Variants in PTPN13 observed in about 807,000 individuals in gnomAD.
The protein encoded by PTPN13 is protein tyrosine phosphatase non-receptor type 13, also known as tyrosine-protein phosphatase non-receptor type 13.
PTPN13 carries 191 observed loss-of-function variants against 284.0 expected under a neutral mutation model. That is an observed-to-expected ratio of 0.67 (90% CI 0.60 to 0.76). The LOEUF is 0.76. PTPN13 is among the 30% of genes least tolerant of loss of function. The pLI is 0.00. For missense variants in PTPN13, 2,797 were observed against 2,939.9 expected (o/e 0.95, Z 1.12); for synonymous variants, 986 against 1,022.3 (o/e 0.96, Z 0.68).
At chr4:86,782,063 C>T (rs760887521) in intron 36 of PTPN13, 138 bp from the exon 37 acceptor site, 14 of 563,680 alleles carry the variant, frequency 2.5e-5, no homozygotes, top group Non-Finnish European at 4.1e-5. Context: ...GGTTTTTAAT[C>T]ATTTTGTAAT....
At chr4:86,745,246 T>C in intron 17 of PTPN13, 118 bp downstream of exon 17, 1 of 950,730 alleles carries the variant, frequency 1.1e-6, no homozygotes, top group Non-Finnish European at 1.5e-6. Flanking sequence ...ACATGTTAAA[T>C]AGCTAAATCA....
intron 4 of PTPN13, 44 bp downstream of exon 4, chr4:86,686,819 A>C: frequency 1.5e-6 from 2 of 1,298,520 alleles, no homozygotes; most frequent in South Asian, 2.7e-5. Flanking sequence ...ACATATGTTC[A>C]ATTTTACACC....
intron 35 of PTPN13, among the ~76,000 whole-genome samples, chr4:86,776,542 A>G (rs1740667911): frequency 1.3e-5 from 2 of 152,214 alleles, no homozygotes; most frequent in South Asian, 4.1e-4. Context: ...AGCAAGGGAT[A>G]AGAATATACA....
chr4:86,670,562 T>G (rs1727618777), intron 2 of PTPN13, among the ~76,000 whole-genome samples: 1 of 152,144 alleles, frequency 6.6e-6, no homozygotes, highest in African/African-American at 2.4e-5. Flanking sequence ...CAGCAGGTTC[T>G]CACCACCTCT....
intron 2 of PTPN13, among the ~76,000 whole-genome samples, chr4:86,639,798 G>A (rs1314008995): frequency 1.3e-5 from 2 of 151,856 alleles, no homozygotes; most frequent in African/African-American, 2.4e-5. Flanking sequence ...CCTGCACAAT[G>A]TGCACATGTA....
At chr4:86,700,002 A>G (rs1730983422) in intron 6 of PTPN13, among the ~76,000 whole-genome samples, 1 of 152,182 alleles carries the variant, frequency 6.6e-6, no homozygotes, top group Admixed American at 6.5e-5. Context: ...TGCCCAAAAT[A>G]TAGATGTTAT....
intron 21 of PTPN13, 45 bp from the exon 22 acceptor site, chr4:86,758,633 G>A: frequency 7.3e-6 from 11 of 1,509,426 alleles, no homozygotes; most frequent in Non-Finnish European, 1.0e-5. Context: ...ATTAGTCTTT[G>A]AAAGCAGCAA....
At chr4:86,757,762 C>CAAAAAAAAAAAA (rs542129918) in intron 20 of PTPN13, among the ~76,000 whole-genome samples, 42 of 112,502 alleles carry the variant, frequency 3.7e-4, no homozygotes, top group Admixed American at 5.5e-4. Flanking sequence ...GACTCTGTCT[C>CAAAAAAAAAAAA]AAAAAAAAAA....
intron 7 of PTPN13, 120 bp downstream of exon 7, chr4:86,701,921 T>C (rs1731209773): frequency 2.1e-6 from 2 of 959,726 alleles, no homozygotes; most frequent in South Asian, 3.8e-5. Flanking sequence ...TTTTGTACCC[T>C]GGTTAGTCTC....
chr4:86,780,481 AT>A lies in PTPN13; in HGVS notation c.5962+10del, dbSNP rs1225721210. Reference sequence around the variant, plus strand: ...GTCAACCAAAGGCAATGGTAAGGATATATTCATTTTACTGTACTCTCCTACG... The same window carrying A: ...GTCAACCAAAGGCAATGGTAAGGATAATTCATTTTACTGTACTCTCCTACG... On this transcript the variant is annotated intron_variant, in intron 36 of 47. Coordinates refer to ENST00000411767, the MANE Select transcript of PTPN13 (RefSeq NM_080683.3). 1 of 1,576,788 alleles carries A rather than the reference AT, an allele frequency of 6.3e-7. No individual in the cohort carries two copies. Among genetic ancestry groups the A allele is most frequent in the Non-Finnish European group, 8.7e-7 (1 of 1,148,716 alleles).
chr4:86,664,497 T>C (rs981370154), intron 2 of PTPN13, among the ~76,000 whole-genome samples: 1 of 152,106 alleles, frequency 6.6e-6, no homozygotes, highest in African/African-American at 2.4e-5. Context: ...GTGGTATAGA[T>C]TTTAAATGGG....
At chr4:86,752,487 TAA>T (rs1056748204) in intron 19 of PTPN13, among the ~76,000 whole-genome samples, 3 of 152,172 alleles carry the variant, frequency 2.0e-5, no homozygotes, top group African/African-American at 7.2e-5. Context: ...GAAAATAGGC[TAA>T]GAGATTGATT....
chr4:86,620,435 T>TCCCCA (rs1721087746), intron 1 of PTPN13, among the ~76,000 whole-genome samples: 1 of 152,160 alleles, frequency 6.6e-6, no homozygotes, highest in African/African-American at 2.4e-5. Context: ...GCTGGGATTA[T>TCCCCA]AGGTATGAGC....
intron 7 of PTPN13, among the ~76,000 whole-genome samples, chr4:86,710,594 A>G (rs914830922): frequency 6.6e-6 from 1 of 152,230 alleles, no homozygotes; most frequent in Admixed American, 6.5e-5. Flanking sequence ...CCACAACTTT[A>G]TATGGTAAAA....
rs1393016052 is a variant in PTPN13 at position 86,809,883 on chromosome 4, A to G, written c.7198A>G (p.Arg2400Gly). The change falls in exon 46 of 48, where the codon AGA becomes GGA. Residue 2400 changes from arginine to glycine, a missense_variant. Arg to Gly is a moderately radical substitution (Grantham distance 125). Transcript: ENST00000411767. Reference protein sequence around the residue: ...TFISYMRHIHRSGPIITHCSA... With the variant: ...TFISYMRHIHGSGPIITHCSA... ...TATCTCCTACATGAGACACATCCAC[A>G]GATCAGGCCCAATCATTACGCACTG... The G allele has an allele frequency of 1.9e-6, 3 of 1,613,922 alleles. No homozygotes were observed. The highest frequency in any genetic ancestry group is 2.5e-6 in the Non-Finnish European group (3 of 1,179,904).
Position 86,775,428 on chromosome 4 carries a change from T to C in PTPN13, c.5681-14T>C. 1 of 1,596,158 alleles carries C rather than the reference T, an allele frequency of 6.3e-7. No individual in the cohort carries two copies. Among genetic ancestry groups the C allele is most frequent in the East Asian group, 2.2e-5 (1 of 44,748 alleles). Reference sequence around the variant, plus strand: ...TTTATGACTGAGAAAACAAATATTTTCTATTATTTCAAGGTTTTTCCTTAT... The same window carrying C: ...TTTATGACTGAGAAAACAAATATTTCCTATTATTTCAAGGTTTTTCCTTAT... On this transcript the variant is annotated splice_polypyrimidine_tract_variant and intron_variant, in intron 34 of 47. Coordinates refer to ENST00000411767, the MANE Select transcript of PTPN13 (RefSeq NM_080683.3).
intron 43 of PTPN13, among the ~76,000 whole-genome samples, chr4:86,804,756 C>T (rs536415406): frequency 1.3e-5 from 2 of 152,334 alleles, no homozygotes; most frequent in East Asian, 3.9e-4. Flanking sequence ...TCTTCTTGCT[C>T]ACCACTGTAT....
chr4:86,631,617 A>C (rs568333993), intron 1 of PTPN13, among the ~76,000 whole-genome samples: 12 of 152,222 alleles, frequency 7.9e-5, no homozygotes, highest in African/African-American at 2.9e-4. Context: ...TATGTTTTGG[A>C]GTTCTAAGAA....
At chr4:86,813,581 A>G (rs1199149869) in intron 47 of PTPN13, among the ~76,000 whole-genome samples, 3 of 152,046 alleles carry the variant, frequency 2.0e-5, no homozygotes, top group Admixed American at 2.0e-4. Flanking sequence ...AGTAGCTGGG[A>G]TTACAGGTGC....
Sources: gnomAD v4.1 joint callset for allele counts (sites outside exome capture counted in the v4.1 genomes callset) on GRCh38, gnomAD v4.1.1 for gene constraint, MANE v1.5 for transcripts, NCBI Gene and HGNC (gene_info 2026-07-23, HGNC 2026-07-21) for gene names.